The following CIT variants were observed in gnomAD, a reference collection of about 807,000 sequenced individuals.
CIT encodes the protein citron rho-interacting serine/threonine kinase.
A neutral mutation model predicts 272.7 loss-of-function variants in CIT; 79 were observed. That is an observed-to-expected ratio of 0.29 (90% CI 0.24 to 0.35). The LOEUF is 0.35. Ranked by LOEUF, CIT falls within the 10% of genes least tolerant of loss-of-function variation. CIT has a pLI of 1.00. For synonymous variants in CIT, 948 were observed against 995.6 expected (o/e 0.95, Z 0.90); for missense variants, 1,909 against 2,618.3 (o/e 0.73, Z 5.91).
chr12:119,826,479 G>C (rs16949717), intron 7 of CIT, among the ~76,000 whole-genome samples: 2,830 of 152,238 alleles, frequency 0.019, 82 homozygotes, highest in African/African-American at 0.063. Context: ...TGCTGTTGAT[G>C]AAAGAAGCAG....
Position 119,690,589 on chromosome 12 carries a change from G to T in CIT, c.5883-135C>A, listed in dbSNP as rs1170808735. ...AAGAGATTAGACCTGGAGTTCTTTG[G>T]ACTTTGCCTGCATTTGATTTTGGTA... is the stretch of plus-strand genomic sequence containing the variant. On this transcript the variant is annotated intron_variant, in intron 46 of 47. Coordinates refer to ENST00000392521, the MANE Select transcript of CIT (RefSeq NM_001206999.2). The surrounding 1 kb of genome is among the most constrained non-coding windows in gnomAD (Gnocchi z 6.0). 1.3e-5 allele frequency: 11 copies of T among 842,364 alleles called. No individual in the cohort carries two copies. Among genetic ancestry groups the T allele is most frequent in the Non-Finnish European group, 1.6e-5 (9 of 579,172 alleles). The allele number at this position is 842,364 out of a possible 1,614,324, so 52.2% of individuals were successfully genotyped here.
chr12:119,834,122 G>A lies in CIT; in HGVS notation c.623C>T (p.Ala208Val), dbSNP rs770002826. Residue 208 changes from alanine to valine, a missense_variant, in exon 6 of 48, where the codon GCT becomes GTT. Transcript: ENST00000392521. ...IQFYLAELIL[A>V]VHSVHLMGYV... ...TCCCATCAGATGAACGCTGTGAACAGCCAAAATCAGCTCAGCTAGGTAAAA... is the reference window on the plus strand; with the variant it reads ...TCCCATCAGATGAACGCTGTGAACAACCAAAATCAGCTCAGCTAGGTAAAA... The A allele has an allele frequency of 6.2e-7, 1 of 1,613,962 alleles. No individual in the cohort carries two copies. The highest frequency in any genetic ancestry group is 1.1e-5 in the South Asian group (1 of 91,042).
chr12:119,758,800 G>A, intron 20 of CIT, 100 bp from the exon 21 acceptor site: 2 of 796,658 alleles, frequency 2.5e-6, no homozygotes, highest in Non-Finnish European at 4.5e-6. Context: ...ACGGCAATTT[G>A]GCTAGAGGTA....
At position 119,712,166 on chromosome 12, in the gene CIT, T is replaced by G. The variant is rs938749574; in HGVS notation, c.4854+12A>C. ...TACAAAGACAACCTCCAGGGCCCGC[T>G]TTCATACTCACAGCATCAGCTTCTG... On this transcript the variant is annotated intron_variant, in intron 37 of 47. Coordinates refer to ENST00000392521, the MANE Select transcript of CIT (RefSeq NM_001206999.2). This position sits in a 1 kb window ranked among gnomAD's most constrained non-coding sequence, Gnocchi z 5.2. 1.9e-6 allele frequency: 3 copies of G among 1,575,996 alleles called. No homozygotes were observed. Among genetic ancestry groups the G allele is most frequent in the Non-Finnish European group, 1.7e-6 (2 of 1,160,038 alleles).
chr12:119,774,372 C>T (rs1285790647), intron 16 of CIT, among the ~76,000 whole-genome samples: 1 of 152,044 alleles, frequency 6.6e-6, no homozygotes, highest in Non-Finnish European at 1.5e-5. Flanking sequence ...CATTCACAAA[C>T]ATTCTCAATG....
rs377648269 is a variant in CIT, at chr12:119,697,621, G to A, written c.5882+38C>T. ...TTCCTTCTGCCTTGCAGAAAAGCAC[G>A]TTGCCCCTGGTACTGAGGAAGAGGA... On this transcript the variant is annotated intron_variant, in intron 46 of 47. Coordinates refer to ENST00000392521, the MANE Select transcript of CIT (RefSeq NM_001206999.2). This position sits in a 1 kb window ranked among gnomAD's most constrained non-coding sequence, Gnocchi z 4.9. 178 of 1,593,180 alleles carry A rather than the reference G, an allele frequency of 1.1e-4. 3 individuals carry two copies. Among genetic ancestry groups the A allele is most frequent in the Middle Eastern group, 1.8e-4 (1 of 5,676 alleles).
chr12:119,857,463 T>C lies in CIT; in HGVS notation c.414+60A>G, dbSNP rs564672263. Reference sequence around the variant, plus strand: ...TAGACGCCAGTGCAGCAGATTATCGTCTTTGCAATGAACACTCCGGTACAG... The same window carrying C: ...TAGACGCCAGTGCAGCAGATTATCGCCTTTGCAATGAACACTCCGGTACAG... On this transcript the variant is annotated intron_variant, in intron 4 of 47. Transcript: ENST00000392521. 4.6e-5 allele frequency: 71 copies of C among 1,549,930 alleles called. No homozygotes were observed. In the East Asian group the frequency reaches 1.6e-3, roughly 35 times the overall value.
intron 3 of CIT, among the ~76,000 whole-genome samples, chr12:119,865,762 G>C (rs1035884330): frequency 2.0e-5 from 3 of 151,138 alleles, no homozygotes; most frequent in African/African-American, 7.3e-5. Context: ...CCCAGCTACT[G>C]AGGAGGCTGA....
intron 5 of CIT, among the ~76,000 whole-genome samples, chr12:119,840,322 AAAG>A (rs1344493537): frequency 2.6e-5 from 4 of 152,192 alleles, no homozygotes; most frequent in Admixed American, 6.5e-5. Context: ...TGTCTCGAAA[AAAG>A]AAGAAGAAAT....
intron 27 of CIT, 54 bp downstream of exon 27, chr12:119,730,441 T>C: frequency 2.0e-6 from 3 of 1,537,754 alleles, no homozygotes; most frequent in Non-Finnish European, 1.8e-6. Flanking sequence ...AGCGTGCCTT[T>C]AAAAGAAGGA....
chr12:119,790,957 A>C (rs1965256643), intron 10 of CIT, among the ~76,000 whole-genome samples: 1 of 152,238 alleles, frequency 6.6e-6, no homozygotes, highest in Non-Finnish European at 1.5e-5. Flanking sequence ...TCATTTATTG[A>C]GCACGTGTCA....
chr12:119,728,574 A>C lies in CIT; in HGVS notation c.3519T>G (p.Leu1173=). 1 of 1,613,630 alleles carries C rather than the reference A, an allele frequency of 6.2e-7. No homozygotes were observed. The highest frequency in any genetic ancestry group is 8.5e-7 in the Non-Finnish European group (1 of 1,179,682). Residue 1173 remains leucine (L), a synonymous_variant, in exon 28 of 48, where the codon CTT becomes CTG. Transcript: ENST00000392521. This position sits in a 1 kb window ranked among gnomAD's most constrained non-coding sequence, Gnocchi z 4.3. ...LNDLEKKHAM[L]EMNARSLQQK... ...GCTGTAAGCTTCGGGCATTCATTTC[A>C]AGCATAGCATGCTTCTTCTCCAGGT...
chr12:119,818,293 T>C (rs930266987), intron 9 of CIT, among the ~76,000 whole-genome samples: 2 of 151,928 alleles, frequency 1.3e-5, no homozygotes, highest in Admixed American at 1.3e-4. Flanking sequence ...TTGTTGACCA[T>C]ACTAAAGGAC....
At chr12:119,708,062 T>G (rs1956969452) in intron 40 of CIT, 117 bp downstream of exon 40, 1 of 1,161,170 alleles carries the variant, frequency 8.6e-7, no homozygotes, top group Non-Finnish European at 1.2e-6. Flanking sequence ...AGAGCCCCTC[T>G]CTGTTTGTTA....
intron 29 of CIT, 32 bp downstream of exon 29, chr12:119,721,277 T>C: frequency 6.3e-7 from 1 of 1,578,076 alleles, no homozygotes; most frequent in Non-Finnish European, 8.7e-7. Context: ...GTGCAGACCA[T>C]TTTTAAGCAG....
intron 26 of CIT, among the ~76,000 whole-genome samples, chr12:119,731,872 G>C (rs1958477217): frequency 6.9e-6 from 1 of 145,784 alleles, no homozygotes; most frequent in Non-Finnish European, 1.5e-5. Flanking sequence ...GTCCCACTCT[G>C]TCGCCCAGGC....
At chr12:119,839,069 G>A (rs1159882597) in intron 5 of CIT, among the ~76,000 whole-genome samples, 1 of 152,206 alleles carries the variant, frequency 6.6e-6, no homozygotes, top group African/African-American at 2.4e-5. Context: ...AGACCCTTCT[G>A]ATGGCAGCAG....
At chr12:119,841,475 A>C (rs1056316157) in intron 5 of CIT, among the ~76,000 whole-genome samples, 14 of 152,168 alleles carry the variant, frequency 9.2e-5, no homozygotes, top group Non-Finnish European at 1.6e-4. Flanking sequence ...GTGCCCAGCC[A>C]AAAGCAGCTG....
In CIT at chr12:119,803,272, G is replaced by A. The variant is rs773399704; in HGVS notation, c.1229C>T (p.Ser410Leu). 3.2e-5 allele frequency: 51 copies of A among 1,608,836 alleles called. No individual in the cohort carries two copies. The highest frequency in any genetic ancestry group is 3.8e-5 in the Non-Finnish European group (45 of 1,177,956). The change falls in exon 10 of 48, where the codon TCG becomes TTG. Residue 410 changes from serine to leucine, a missense_variant. Around this residue, in one of 8 missense-constraint regions of CIT, gnomAD observed 529 missense variants for 549.6 expected, o/e 0.96. Coordinates refer to ENST00000392521, the MANE Select transcript of CIT (RefSeq NM_001206999.2). ...SPCQLSPSGF[S>L]GEELPFVGFS... ...CCCCACAAACGGCAGTTCTTCACCCGAGAAGCCTGAGGGGCTCAGCTGGCA... is the reference window on the plus strand; with the variant it reads ...CCCCACAAACGGCAGTTCTTCACCCAAGAAGCCTGAGGGGCTCAGCTGGCA...
Sources: gnomAD v4.1 joint callset for allele counts (sites outside exome capture counted in the v4.1 genomes callset) on GRCh38, gnomAD v4.1.1 for gene constraint, gnomAD v4.1.1 regional missense constraint, Gnocchi (gnomAD v3.1) non-coding constraint, MANE v1.5 for transcripts, NCBI Gene and HGNC (gene_info 2026-07-23, HGNC 2026-07-21) for gene names.